Variants in SLC16A2 observed in about 807,000 individuals in gnomAD.
The protein encoded by SLC16A2 is monocarboxylate transporter 8.
Under a neutral mutation model 27.2 loss-of-function variants are expected in SLC16A2, and 3 were observed. The observed-to-expected ratio is 0.11, with a 90% CI of 0.05 to 0.28. The LOEUF is 0.28. Ranked by LOEUF, SLC16A2 falls within the 10% of genes least tolerant of loss-of-function variation. The pLI, the probability that SLC16A2 is intolerant of heterozygous loss-of-function variation, is 1.00. For synonymous variants in SLC16A2, 202 were observed against 187.8 expected, an observed-to-expected ratio of 1.08 and a Z score of -0.62; for missense variants, 295 against 458.5, an observed-to-expected ratio of 0.64 and a Z score of 3.26.
At chrX:74,524,846 C>T in intron 3 of SLC16A2, 37 bp downstream of exon 3, 1 of 1,139,462 alleles carries the variant, frequency 8.8e-7, no homozygotes, top group Non-Finnish European at 1.2e-6. Context: ...CCACCTGGCC[C>T]CAAGAAGCTA....
Position 74,495,989 on chromosome X carries a change from G to A in SLC16A2, c.431-25001G>A, listed in dbSNP as rs141477765. Reference sequence around the variant, plus strand: ...GGCAGTGTTCAGGCCACAGGCAGATGAGAGATCATGGAACCAACTGGCTCC... The same window carrying A: ...GGCAGTGTTCAGGCCACAGGCAGATAAGAGATCATGGAACCAACTGGCTCC... On this transcript the variant is annotated intron_variant, in intron 1 of 5. Transcript: ENST00000587091. 6.4e-3 allele frequency among the ~76,000 whole-genome samples: 711 copies of A among 111,019 alleles called. 1 individual carries two copies. The highest frequency in any genetic ancestry group is 0.011 in the Admixed American group (112 of 10,492).
intron 1 of SLC16A2, among the ~76,000 whole-genome samples, chrX:74,475,118 T>C (rs1404857482): frequency 6.4e-5 from 7 of 108,703 alleles, no homozygotes; most frequent in African/African-American, 2.3e-4. Flanking sequence ...TGTTCCTATT[T>C]CTCCACATCC....
chrX:74,499,062 T>G (rs1929984471), intron 1 of SLC16A2, among the ~76,000 whole-genome samples: 1 of 112,320 alleles, frequency 8.9e-6, no homozygotes, highest in South Asian at 3.7e-4. Context: ...GCAATGAATC[T>G]CTTTGGAATC....
chrX:74,529,347 A>T lies in SLC16A2; in HGVS notation c.1305A>T (p.Ala435=). The T allele has an allele frequency of 8.3e-7, 1 of 1,207,459 alleles. No homozygotes were observed. The highest frequency in any genetic ancestry group is 1.1e-6 in the Non-Finnish European group (1 of 893,210). Residue 435 remains alanine, a synonymous_variant, in exon 5 of 6, where the codon GCA becomes GCT. Transcript: ENST00000587091. ...GFFITIMAPI[A]FELVGPMQAS... ...TCATCACCATCATGGCCCCCATTGCATTTGAGCTGGTGGGCCCAATGCAGG... is the reference window on the plus strand; with the variant it reads ...TCATCACCATCATGGCCCCCATTGCTTTTGAGCTGGTGGGCCCAATGCAGG...
intron 1 of SLC16A2, among the ~76,000 whole-genome samples, chrX:74,512,994 A>G (rs1930258623): frequency 9.0e-6 from 1 of 111,529 alleles, no homozygotes; most frequent in African/African-American, 3.3e-5. Flanking sequence ...GGAGAGGGGT[A>G]GGCCTTGTTA....
At chrX:74,497,338 T>G (rs1290606353) in intron 1 of SLC16A2, among the ~76,000 whole-genome samples, 1 of 110,724 alleles carries the variant, frequency 9.0e-6, no homozygotes, top group Non-Finnish European at 1.9e-5. Flanking sequence ...ATGGTAGCCT[T>G]AGGGAGCAAT....
intron 1 of SLC16A2, among the ~76,000 whole-genome samples, chrX:74,469,610 T>C (rs947325488): frequency 9.0e-6 from 1 of 111,315 alleles, no homozygotes; most frequent in African/African-American, 3.3e-5. Context: ...TCATTGGCCA[T>C]TTGTATATCT....
chrX:74,427,778 T>C (rs1312291102), intron 1 of SLC16A2, among the ~76,000 whole-genome samples: 1 of 104,741 alleles, frequency 9.5e-6, no homozygotes, highest in South Asian at 4.6e-4. Flanking sequence ...TATACACATG[T>C]GCGCAAGCGC....
At chrX:74,478,196 G>T (rs1929528430) in intron 1 of SLC16A2, among the ~76,000 whole-genome samples, 1 of 111,875 alleles carries the variant, frequency 8.9e-6, no homozygotes, top group African/African-American at 3.3e-5. Context: ...ATATATTTAG[G>T]ATAGTTAGCT....
At chrX:74,434,524 G>T (rs1928586998) in intron 1 of SLC16A2, among the ~76,000 whole-genome samples, 1 of 110,988 alleles carries the variant, frequency 9.0e-6, no homozygotes, top group African/African-American at 3.3e-5. Context: ...GGACATTTGG[G>T]GAAAAGGACA....
At chrX:74,517,358 C>T (rs1397602296) in intron 1 of SLC16A2, among the ~76,000 whole-genome samples, 1 of 111,484 alleles carries the variant, frequency 9.0e-6, no homozygotes, top group Non-Finnish European at 1.9e-5. Flanking sequence ...ACAAAAAATT[C>T]CTTATAAGAA....
intron 1 of SLC16A2, among the ~76,000 whole-genome samples, chrX:74,481,056 A>G (rs1402055607): frequency 4.4e-5 from 5 of 112,517 alleles, no homozygotes; most frequent in African/African-American, 1.3e-4. Context: ...ATGTTAACTC[A>G]ATTTTACATT....
chrX:74,512,502 T>C (rs1930249505), intron 1 of SLC16A2, among the ~76,000 whole-genome samples: 1 of 112,266 alleles, frequency 8.9e-6, no homozygotes, highest in Non-Finnish European at 1.9e-5. Context: ...TTGACCTTTA[T>C]TTGACTTTGC....
At chrX:74,529,518 T>G in intron 5 of SLC16A2, 77 bp downstream of exon 5, 4 of 749,681 alleles carry the variant, frequency 5.3e-6, no homozygotes, top group South Asian at 2.5e-5. Context: ...TGAGCATCTC[T>G]CCTTGAGGCC....
At chrX:74,445,633 CTTACT>C (rs1321348569) in intron 1 of SLC16A2, among the ~76,000 whole-genome samples, 4 of 103,303 alleles carry the variant, frequency 3.9e-5, no homozygotes, top group Non-Finnish European at 7.9e-5. Flanking sequence ...ATTGTTAGCT[CTTACT>C]GTTAGAGCTA....
intron 1 of SLC16A2, chrX:74,473,754 C>T (rs763928957): frequency 1.3e-5 from 10 of 784,222 alleles, no homozygotes; most frequent in South Asian, 6.3e-5. Flanking sequence ...ATCTCCCCCA[C>T]GGTGTCATAT....
intron 1 of SLC16A2, among the ~76,000 whole-genome samples, chrX:74,460,674 G>A (rs954432598): frequency 5.4e-5 from 6 of 111,106 alleles, no homozygotes; most frequent in Admixed American, 9.6e-5. Context: ...TTTTTGAGAC[G>A]GAGTCTTGCT....
chrX:74,515,187 T>C (rs5937284), intron 1 of SLC16A2, among the ~76,000 whole-genome samples: 57,819 of 109,552 alleles, frequency 0.53, 13,354 homozygotes, highest in Non-Finnish European at 0.73. Flanking sequence ...TAAGTCTCAG[T>C]AGATAATTAG....
intron 1 of SLC16A2, among the ~76,000 whole-genome samples, chrX:74,520,438 G>C (rs1465593314): frequency 8.9e-6 from 1 of 111,779 alleles, no homozygotes; most frequent in Non-Finnish European, 1.9e-5. Context: ...TTTAGAAACA[G>C]GATAATATCT....
Sources: allele counts gnomAD v4.1 joint callset (sites outside exome capture counted in the v4.1 genomes callset), GRCh38; gene constraint gnomAD v4.1.1; transcripts MANE v1.5; gene names NCBI Gene and HGNC (gene_info 2026-07-23, HGNC 2026-07-21).